ATRNL1: variants seen among roughly 807,000 people sequenced by gnomAD.
The protein encoded by ATRNL1 is attractin like 1, also known as attractin-like protein 1.
Under a neutral mutation model 182.7 loss-of-function variants are expected in ATRNL1, and 95 were observed. The ratio of observed to expected loss-of-function variants is 0.52; its 90% CI spans 0.44 to 0.62. The LOEUF (loss-of-function observed/expected upper bound fraction) is 0.62, where lower values mean the gene tolerates loss of function less well. Among genes scored for constraint, ATRNL1 ranks in the 20% least tolerant of loss-of-function variants. The pLI, the probability that ATRNL1 is intolerant of heterozygous loss-of-function variation, is 0.00. For missense variants in ATRNL1, 1,471 were observed against 1,679.5 expected (o/e 0.88, Z 2.17); for synonymous variants, 576 against 568.3 (o/e 1.01, Z -0.19).
At chr10:115,361,399 G>A (rs1053629907) in intron 19 of ATRNL1, among the ~76,000 whole-genome samples, 5 of 151,928 alleles carry the variant, frequency 3.3e-5, no homozygotes, top group Non-Finnish European at 5.9e-5. Context: ...AGCCATAACT[G>A]TGGAAGCTAG....
rs184523513 is a variant in ATRNL1, at chr10:115,920,825, C to T, written c.4019-23833C>T. ...ACCCAGTATTACGTAGATATTAACA[C>T]TAAAATTGCAAAAAACAGTTTTTAA... is the stretch of plus-strand genomic sequence containing the variant. On this transcript the variant is annotated intron_variant, in intron 28 of 28. Coordinates refer to ENST00000355044, the MANE Select transcript of ATRNL1 (RefSeq NM_207303.4). Among the ~76,000 whole-genome samples, 176 of 152,064 alleles carry T rather than the reference C, an allele frequency of 1.2e-3. 1 individual carries two copies. The highest frequency in any genetic ancestry group is 4.1e-3 in the African/African-American group (170 of 41,478).
At chr10:115,577,610 TTGTGTGTGTGTGTGTGTGTG>T (rs3981280) in intron 26 of ATRNL1, among the ~76,000 whole-genome samples, 2 of 135,016 alleles carry the variant, frequency 1.5e-5, no homozygotes, top group African/African-American at 5.4e-5. Flanking sequence ...TTCTAACAGG[TTGTGTGTGTGTGTGTGTGTG>T]TGTGTGTGTG....
intron 20 of ATRNL1, among the ~76,000 whole-genome samples, chr10:115,421,173 G>A (rs1167659073): frequency 6.6e-6 from 1 of 152,066 alleles, no homozygotes; most frequent in Non-Finnish European, 1.5e-5. Context: ...GAAGTAGAGG[G>A]CATTCTTCCA....
chr10:115,710,538 A>C (rs1947033559), intron 26 of ATRNL1, among the ~76,000 whole-genome samples: 1 of 152,176 alleles, frequency 6.6e-6, no homozygotes, highest in South Asian at 2.1e-4. Flanking sequence ...AAAGCTGAAG[A>C]TGTGATCCAT....
rs782157017 is a variant in ATRNL1 at position 115,442,303 on chromosome 10, C to CTCTCTCTCTCTCTCTCTGTGTG, written c.3322+16002_3322+16003insCTCTCTCTCTCTCTCTGTGTGT. ...TCTCTCTCTCTCTCTCTCTCTCTCTCTGTGTGTATGTGTGTGTGTAAACAA... is the reference window on the plus strand; with the variant it reads ...TCTCTCTCTCTCTCTCTCTCTCTCTCTCTCTCTCTCTCTCTCTGTGTGTGTGTGTATGTGTGTGTGTAAACAA... On this transcript the variant is annotated intron_variant, in intron 21 of 28. Coordinates refer to ENST00000355044, the MANE Select transcript of ATRNL1 (RefSeq NM_207303.4). 5.7e-3 allele frequency among the ~76,000 whole-genome samples: 705 copies of CTCTCTCTCTCTCTCTCTGTGTG among 123,766 alleles called. 10 individuals carry two copies. Among genetic ancestry groups the CTCTCTCTCTCTCTCTCTGTGTG allele is most frequent in the Middle Eastern group, 0.014 (3 of 212 alleles). 81.2% of individuals were successfully genotyped at this position (123,766 alleles called of 152,430 possible).
chr10:115,438,516 A>G (rs374346215), intron 21 of ATRNL1, among the ~76,000 whole-genome samples: 41 of 152,150 alleles, frequency 2.7e-4, no homozygotes, highest in African/African-American at 8.7e-4. Context: ...AGTTTTTAAT[A>G]TCTGACTTCT....
chr10:115,434,603 T>C (rs1554964523), intron 21 of ATRNL1, among the ~76,000 whole-genome samples: 2 of 152,132 alleles, frequency 1.3e-5, no homozygotes. Flanking sequence ...AAAAATCATA[T>C]GCCATTTTTT....
At chr10:115,280,317 T>C (rs1852301609) in intron 13 of ATRNL1, among the ~76,000 whole-genome samples, 1 of 152,214 alleles carries the variant, frequency 6.6e-6, no homozygotes, top group Non-Finnish European at 1.5e-5. Flanking sequence ...AACATTCAGT[T>C]ACGTTGCCTG....
At chr10:115,944,455 TTTC>T (rs1183166188) in intron 28 of ATRNL1, among the ~76,000 whole-genome samples, 200 bp from the exon 29 acceptor site, 1 of 152,112 alleles carries the variant, frequency 6.6e-6, no homozygotes, top group African/African-American at 2.4e-5. Flanking sequence ...TTCTTAGATC[TTTC>T]TTCTTCTTCC....
At chr10:115,411,973 A>C (rs1554960004) in intron 20 of ATRNL1, among the ~76,000 whole-genome samples, 1 of 152,178 alleles carries the variant, frequency 6.6e-6, no homozygotes, top group Non-Finnish European at 1.5e-5. Flanking sequence ...ACCATTGTGT[A>C]GTTCCATTTC....
At chr10:115,233,486 T>C (rs782267344) in intron 9 of ATRNL1, among the ~76,000 whole-genome samples, 1 of 152,160 alleles carries the variant, frequency 6.6e-6, no homozygotes, top group Non-Finnish European at 1.5e-5. Context: ...GACAGTTTTG[T>C]TTCTTCCTTT....
intron 5 of ATRNL1, among the ~76,000 whole-genome samples, chr10:115,151,268 C>G (rs1289366388): frequency 6.6e-6 from 1 of 152,176 alleles, no homozygotes; most frequent in Non-Finnish European, 1.5e-5. Flanking sequence ...AATGGTATTT[C>G]TAGTTCTAGA....
chr10:115,674,736 A>C (rs1945807442), intron 26 of ATRNL1, among the ~76,000 whole-genome samples: 1 of 152,092 alleles, frequency 6.6e-6, no homozygotes, highest in African/African-American at 2.4e-5. Flanking sequence ...CTTGTCATAC[A>C]TGTATTATTT....
intron 24 of ATRNL1, among the ~76,000 whole-genome samples, chr10:115,496,614 A>G (rs1456496978): frequency 1.3e-5 from 2 of 152,194 alleles, no homozygotes; most frequent in Non-Finnish European, 2.9e-5. Context: ...AGATCATTCT[A>G]ACTTTTCGAT....
chr10:115,279,312 T>C (rs1554915992), intron 13 of ATRNL1, among the ~76,000 whole-genome samples: 1 of 152,136 alleles, frequency 6.6e-6, no homozygotes, highest in Non-Finnish European at 1.5e-5. Flanking sequence ...GACTGAACTA[T>C]ACTTCTTAAT....
chr10:115,449,840 C>CA (rs1375983034), intron 21 of ATRNL1, among the ~76,000 whole-genome samples: 6 of 151,864 alleles, frequency 4.0e-5, no homozygotes, highest in African/African-American at 1.4e-4. Context: ...AGAGACACAA[C>CA]AAAAAAAGAA....
chr10:115,552,519 A>C (rs1853050629), intron 26 of ATRNL1, among the ~76,000 whole-genome samples: 1 of 151,404 alleles, frequency 6.6e-6, no homozygotes, highest in Non-Finnish European at 1.5e-5. Context: ...TGCTTTTCTA[A>C]ATGTAATGAA....
At chr10:115,613,154 A>G (rs1287004351) in intron 26 of ATRNL1, among the ~76,000 whole-genome samples, 1 of 152,176 alleles carries the variant, frequency 6.6e-6, no homozygotes, top group Non-Finnish European at 1.5e-5. Context: ...GTTAGTTCCA[A>G]AGGTGTTGGC....
intron 26 of ATRNL1, among the ~76,000 whole-genome samples, chr10:115,701,060 A>G (rs974349668): frequency 1.3e-5 from 2 of 152,220 alleles, no homozygotes; most frequent in East Asian, 3.9e-4. Context: ...CTTGGTCATA[A>G]AACAAGTCTC....
Sources: allele counts gnomAD v4.1 joint callset (sites outside exome capture counted in the v4.1 genomes callset), GRCh38; gene constraint gnomAD v4.1.1; transcripts MANE v1.5; gene names NCBI Gene and HGNC (gene_info 2026-07-23, HGNC 2026-07-21).